FBXL17: variants seen among roughly 807,000 people sequenced by gnomAD.
The protein encoded by FBXL17 is F-box/LRR-repeat protein 17.
In FBXL17, 22 loss-of-function variants were observed where a neutral mutation model predicts 66.2. The ratio of observed to expected loss-of-function variants is 0.33; its 90% CI spans 0.24 to 0.47. The LOEUF is 0.47. Ranked by LOEUF, FBXL17 falls within the 20% of genes least tolerant of loss-of-function variation. FBXL17 has a pLI of 1.00. For missense variants in FBXL17, 878 were observed against 948.2 expected (o/e 0.93, Z 0.97); for synonymous variants, 474 against 400.5 (o/e 1.18, Z -2.19).
At chr5:108,151,731 A>T (rs557169930) in intron 6 of FBXL17, among the ~76,000 whole-genome samples, 5 of 152,292 alleles carry the variant, frequency 3.3e-5, no homozygotes, top group African/African-American at 1.2e-4. Flanking sequence ...ACATAAGGAC[A>T]CCTATGTTTC....
intron 6 of FBXL17, among the ~76,000 whole-genome samples, chr5:108,098,500 C>T (rs1346018179): frequency 6.6e-6 from 1 of 152,078 alleles, no homozygotes; most frequent in Non-Finnish European, 1.5e-5. Flanking sequence ...AATCCCAGCA[C>T]TTTGGGAGGC....
intron 7 of FBXL17, among the ~76,000 whole-genome samples, chr5:107,929,561 G>T (rs972391180): frequency 4.6e-5 from 7 of 152,086 alleles, no homozygotes; most frequent in African/African-American, 1.7e-4. Context: ...AAAAGCTTCA[G>T]GTTTACTCTA....
chr5:108,322,721 A>C (rs1759674595), intron 4 of FBXL17, among the ~76,000 whole-genome samples: 1 of 151,928 alleles, frequency 6.6e-6, no homozygotes, highest in African/African-American at 2.4e-5. Flanking sequence ...TCATCTATTA[A>C]ATTTCCATCA....
chr5:107,880,558 C>G (rs1389127185), intron 8 of FBXL17: 1 of 1,016,494 alleles, frequency 9.8e-7, no homozygotes, highest in African/African-American at 1.7e-5. Context: ...TACCCCCTTA[C>G]TGGCCCTTTG....
intron 4 of FBXL17, among the ~76,000 whole-genome samples, chr5:108,229,045 G>A (rs2922428): frequency 0.45 from 68,540 of 151,888 alleles, 15,764 homozygotes; most frequent in Non-Finnish European, 0.5. Flanking sequence ...CAGCACTGAC[G>A]TCACTTTGGA....
intron 6 of FBXL17, among the ~76,000 whole-genome samples, chr5:108,091,016 G>A (rs1424286368): frequency 6.6e-6 from 1 of 152,138 alleles, no homozygotes; most frequent in African/African-American, 2.4e-5. Context: ...TGTTGGGTGT[G>A]CGTGGGGGTG....
chr5:108,114,431 T>C (rs1012790553), intron 6 of FBXL17, among the ~76,000 whole-genome samples: 2 of 152,218 alleles, frequency 1.3e-5, no homozygotes, highest in African/African-American at 2.4e-5. Flanking sequence ...GACAATTAGG[T>C]ATACATCAAT....
chr5:108,087,362 C>G (rs1749012855), intron 6 of FBXL17, among the ~76,000 whole-genome samples: 1 of 152,122 alleles, frequency 6.6e-6, no homozygotes, highest in Non-Finnish European at 1.5e-5. Flanking sequence ...GGTGGGGCAG[C>G]AGCCAGCCTA....
chr5:108,261,549 C>T (rs1160951340), intron 4 of FBXL17, among the ~76,000 whole-genome samples: 2 of 152,110 alleles, frequency 1.3e-5, no homozygotes, highest in African/African-American at 4.8e-5. Flanking sequence ...TCAAGCCACA[C>T]TGTCACACAA....
rs893372184 is a variant in FBXL17, at chr5:108,298,259, C to G, written c.1506+50140G>C. On this transcript the variant is annotated intron_variant, in intron 4 of 8. Coordinates refer to ENST00000542267, the MANE Select transcript of FBXL17 (RefSeq NM_001163315.3). ...TTAAGTTATAGTCTTCTTGCTACTTCTTACTACTATGTGAACAAGACACAC... is the reference window on the plus strand; with the variant it reads ...TTAAGTTATAGTCTTCTTGCTACTTGTTACTACTATGTGAACAAGACACAC... 12 of 984,590 alleles carry G rather than the reference C, an allele frequency of 1.2e-5. No homozygotes were observed. In the Admixed American group the frequency reaches 5.6e-4, roughly 46 times the overall value. 61.0% of individuals were successfully genotyped at this position (984,590 alleles called of 1,614,324 possible). A position where few individuals can be genotyped will look rare whatever the true frequency, so the allele number is the denominator to read the frequency against.
At chr5:107,869,487 C>A (rs1269198829) in intron 8 of FBXL17, among the ~76,000 whole-genome samples, 3 of 152,058 alleles carry the variant, frequency 2.0e-5, no homozygotes, top group African/African-American at 7.2e-5. Flanking sequence ...TGAGGTGAGT[C>A]ATCTAAGTGC....
chr5:108,183,539 A>C (rs1753095891), intron 6 of FBXL17, among the ~76,000 whole-genome samples: 1 of 152,122 alleles, frequency 6.6e-6, no homozygotes, highest in African/African-American at 2.4e-5. Flanking sequence ...TGTTTTCAGG[A>C]AAGTTAATTT....
chr5:108,186,054 ATAAT>A lies in FBXL17; in HGVS notation c.1745+59_1745+62del, dbSNP rs1258556250. Reference sequence around the variant, plus strand: ...TTAGTTATAGACATGCCTTGTTATAATAATTAATATTTCCTAAATGTTTTCCTCT... The same window carrying A: ...TTAGTTATAGACATGCCTTGTTATAATAATATTTCCTAAATGTTTTCCTCT... On this transcript the variant is annotated intron_variant, in intron 6 of 8. Coordinates refer to ENST00000542267, the MANE Select transcript of FBXL17 (RefSeq NM_001163315.3). 3.1e-6 allele frequency: 4 copies of A among 1,310,784 alleles called. No individual in the cohort carries two copies. In the African/African-American group the frequency reaches 4.4e-5, roughly 14 times the overall value. The allele number at this position is 1,310,784 out of a possible 1,614,324, so 81.2% of individuals were successfully genotyped here.
At chr5:108,326,348 T>C (rs1199487246) in intron 4 of FBXL17, among the ~76,000 whole-genome samples, 1 of 151,728 alleles carries the variant, frequency 6.6e-6, no homozygotes, top group Non-Finnish European at 1.5e-5. Flanking sequence ...ATCACAGCAC[T>C]TTGTGAGGCC....
intron 4 of FBXL17, among the ~76,000 whole-genome samples, chr5:108,240,711 C>G (rs1428272718): frequency 6.6e-6 from 1 of 152,164 alleles, no homozygotes; most frequent in African/African-American, 2.4e-5. Flanking sequence ...CTTGACTGAA[C>G]ACAGGCAGTA....
chr5:108,116,741 T>C (rs890753804), intron 6 of FBXL17, among the ~76,000 whole-genome samples: 1 of 84,616 alleles, frequency 1.2e-5, no homozygotes, highest in African/African-American at 3.3e-5. Flanking sequence ...CAAAAGAAAT[T>C]ATGTGCACAT....
At chr5:108,189,191 G>C (rs751092731) in intron 5 of FBXL17, among the ~76,000 whole-genome samples, 2 of 152,094 alleles carry the variant, frequency 1.3e-5, no homozygotes, top group African/African-American at 4.8e-5. Flanking sequence ...CCTCTGCCTA[G>C]GGTTTCGCAA....
chr5:108,166,315 T>C (rs979107134), intron 6 of FBXL17, among the ~76,000 whole-genome samples: 2 of 152,204 alleles, frequency 1.3e-5, no homozygotes, highest in African/African-American at 4.8e-5. Context: ...AATAAGCACC[T>C]GCCGGTGTCT....
Position 107,994,244 on chromosome 5 carries a change from C to T in FBXL17, c.1822+26681G>A, listed in dbSNP as rs202179834. Reference sequence around the variant, plus strand: ...ATATTGATTTTAAAAATAAAATCCTCTGTTTTAATGCCAAATAATTCCAAA... The same window carrying T: ...ATATTGATTTTAAAAATAAAATCCTTTGTTTTAATGCCAAATAATTCCAAA... On this transcript the variant is annotated intron_variant, in intron 7 of 8. Coordinates refer to ENST00000542267, the MANE Select transcript of FBXL17 (RefSeq NM_001163315.3). Among the ~76,000 whole-genome samples the T allele has an allele frequency of 8.5e-5, 13 of 152,164 alleles. No homozygotes were observed. In the East Asian group the frequency reaches 2.5e-3, roughly 29 times the overall value.
Sources: allele counts gnomAD v4.1 joint callset (sites outside exome capture counted in the v4.1 genomes callset), GRCh38; gene constraint gnomAD v4.1.1; transcripts MANE v1.5; gene names NCBI Gene and HGNC (gene_info 2026-07-23, HGNC 2026-07-21).